The following SLC39A14 variants were observed in gnomAD, a reference collection of about 807,000 sequenced individuals.
The protein encoded by SLC39A14 is metal cation symporter ZIP14.
In SLC39A14, 19 loss-of-function variants were observed where a neutral mutation model predicts 45.5. The observed-to-expected ratio is 0.42, with a 90% CI of 0.29 to 0.61. The LOEUF (loss-of-function observed/expected upper bound fraction) is 0.61. Ranked by LOEUF, SLC39A14 falls within the 20% of genes least tolerant of loss-of-function variation. The probability of loss-of-function intolerance (pLI) is 0.22; values close to 1 mark genes in which losing one functional copy is unlikely to be tolerated. For synonymous variants in SLC39A14, 264 were observed against 251.3 expected (o/e 1.05, Z -0.48); for missense variants, 447 against 616.5 (o/e 0.73, Z 2.91).
intron 1 of SLC39A14, among the ~76,000 whole-genome samples, chr8:22,376,624 A>G (rs1833232559): frequency 6.6e-6 from 1 of 152,082 alleles, no homozygotes; most frequent in South Asian, 2.1e-4. Context: ...TCACACCTAT[A>G]ATCCTAGCAT....
At chr8:22,396,975 TTTTAAAAGTTCTAC>T (rs985666283) in intron 1 of SLC39A14, among the ~76,000 whole-genome samples, 1 of 151,700 alleles carries the variant, frequency 6.6e-6, no homozygotes. Context: ...TTTTTTTTTC[TTTTAAAAGTTCTAC>T]TCATTTTGTT....
At chr8:22,413,260 T>G (rs1835684783) in intron 4 of SLC39A14, among the ~76,000 whole-genome samples, 1 of 152,148 alleles carries the variant, frequency 6.6e-6, no homozygotes, top group Admixed American at 6.6e-5. Context: ...CAACACTTGG[T>G]GTTTTCTGAA....
intron 1 of SLC39A14, among the ~76,000 whole-genome samples, chr8:22,397,757 A>G (rs1329983328): frequency 1.3e-5 from 2 of 152,178 alleles, no homozygotes; most frequent in Non-Finnish European, 2.9e-5. Flanking sequence ...AGCCATGGTT[A>G]TCTGCTAGCT....
chr8:22,401,902 G>A (rs56840890), intron 1 of SLC39A14, among the ~76,000 whole-genome samples: 17,114 of 152,002 alleles, frequency 0.11, 1,849 homozygotes, highest in African/African-American at 0.29. Flanking sequence ...TTAACTTGCC[G>A]TTATGCCATG....
At chr8:22,397,350 G>A (rs1162247345) in intron 1 of SLC39A14, among the ~76,000 whole-genome samples, 11 of 152,070 alleles carry the variant, frequency 7.2e-5, no homozygotes, top group Non-Finnish European at 1.6e-4. Context: ...AGGCCGAGGC[G>A]GGCAAATCAC....
At chr8:22,433,230 CAGTG>C (rs1377638646) in intron 8 of SLC39A14, among the ~76,000 whole-genome samples, 2 of 152,122 alleles carry the variant, frequency 1.3e-5, no homozygotes, top group African/African-American at 4.8e-5. Context: ...AGATTATGCT[CAGTG>C]AGGGTATGAA....
intron 1 of SLC39A14, chr8:22,404,475 T>TTTC (rs3052255): frequency 5.8e-6 from 2 of 343,732 alleles, no homozygotes; most frequent in Non-Finnish European, 1.0e-5. Flanking sequence ...TTTTTTTTTT[T>TTTC]CATTTTTCAA....
downstream of SLC39A14, among the ~76,000 whole-genome samples, chr8:22,425,602 C>T (rs997738126): frequency 3.3e-5 from 5 of 151,886 alleles, no homozygotes; most frequent in Non-Finnish European, 7.4e-5. Flanking sequence ...CTTTATCAGC[C>T]TTCAGCTAAG....
At chr8:22,407,363 C>T (rs1384992007) in intron 2 of SLC39A14, among the ~76,000 whole-genome samples, 3 of 152,008 alleles carry the variant, frequency 2.0e-5, no homozygotes, top group African/African-American at 4.8e-5. Context: ...TGTTTTCTTT[C>T]TCTTTTGTTT....
At chr8:22,393,460 G>A (rs1380604894) in intron 1 of SLC39A14, among the ~76,000 whole-genome samples, 1 of 152,184 alleles carries the variant, frequency 6.6e-6, no homozygotes, top group Non-Finnish European at 1.5e-5. Flanking sequence ...TTTTCTCAAA[G>A]CTCTTTCTAC....
chr8:22,415,120 A>C (rs573078152), intron 5 of SLC39A14: 10 of 546,812 alleles, frequency 1.8e-5, no homozygotes, highest in African/African-American at 9.6e-5. Flanking sequence ...GGTGCCTTCT[A>C]CTAAGCAGTA....
intron 1 of SLC39A14, among the ~76,000 whole-genome samples, chr8:22,386,735 T>G (rs956757595): frequency 1.3e-5 from 2 of 152,206 alleles, no homozygotes; most frequent in Non-Finnish European, 2.9e-5. Context: ...TTTCCTCCAT[T>G]CAAATTCCTT....
At chr8:22,376,448 G>A (rs1230216832) in intron 1 of SLC39A14, among the ~76,000 whole-genome samples, 1 of 150,722 alleles carries the variant, frequency 6.6e-6, no homozygotes, top group Non-Finnish European at 1.5e-5. Context: ...CTCCCAAAGT[G>A]TTGGGATTAT....
At chr8:22,424,223 G>A (rs1380081142), downstream of SLC39A14, among the ~76,000 whole-genome samples, 1 of 152,138 alleles carries the variant, frequency 6.6e-6, no homozygotes, top group African/African-American at 2.4e-5. Flanking sequence ...CGTTTGCTTA[G>A]TTTGTTTAAG....
At chr8:22,389,521 C>T (rs1833957669) in intron 1 of SLC39A14, among the ~76,000 whole-genome samples, 1 of 152,042 alleles carries the variant, frequency 6.6e-6, no homozygotes, top group Non-Finnish European at 1.5e-5. Context: ...GGGGTTGCCA[C>T]TGAGGCTTGG....
chr8:22,430,962 C>T (rs1241785325), intron 8 of SLC39A14, among the ~76,000 whole-genome samples: 1 of 149,854 alleles, frequency 6.7e-6, no homozygotes, highest in Non-Finnish European at 1.5e-5. Flanking sequence ...GGCGAGCTGC[C>T]GCAGCCGGTC....
At chr8:22,425,185 AAAT>A (rs145708363), downstream of SLC39A14, among the ~76,000 whole-genome samples, 540 of 152,274 alleles carry the variant, frequency 3.5e-3, 1 homozygote, top group African/African-American at 0.012. Context: ...CTTAATTTAG[AAAT>A]GTAAGTTTGA....
chr8:22,382,100 C>T (rs1833545295), intron 1 of SLC39A14, among the ~76,000 whole-genome samples: 2 of 152,078 alleles, frequency 1.3e-5, no homozygotes, highest in Non-Finnish European at 2.9e-5. Flanking sequence ...CAAGATCATG[C>T]TACTGCACTC....
At chr8:22,431,125 C>T (rs895342423) in intron 8 of SLC39A14, among the ~76,000 whole-genome samples, 27 of 151,888 alleles carry the variant, frequency 1.8e-4, no homozygotes, top group Non-Finnish European at 3.5e-4. Flanking sequence ...GTAGCTGGGA[C>T]TACAGGCACG....
Sources: gnomAD v4.1 joint callset for allele counts (sites outside exome capture counted in the v4.1 genomes callset) on GRCh38, gnomAD v4.1.1 for gene constraint, MANE v1.5 for transcripts, NCBI Gene and HGNC (gene_info 2026-07-23, HGNC 2026-07-21) for gene names.